GPHN: variants seen among roughly 807,000 people sequenced by gnomAD.
GPHN encodes the protein gephyrin.
In GPHN, 17 loss-of-function variants were observed where a neutral mutation model predicts 95.5. That is an observed-to-expected ratio of 0.18 (90% CI 0.12 to 0.27). The LOEUF (loss-of-function observed/expected upper bound fraction) is 0.27, where lower values mean the gene tolerates loss of function less well. Among genes scored for constraint, GPHN ranks in the 10% least tolerant of loss-of-function variants. The pLI is 1.00. For missense variants in GPHN, 660 were observed against 978.1 expected (o/e 0.67, Z 4.34); for synonymous variants, 320 against 322.5 (o/e 0.99, Z 0.08).
chr14:66,897,790 C>T (rs558836773), intron 5 of GPHN, among the ~76,000 whole-genome samples: 64 of 152,066 alleles, frequency 4.2e-4, no homozygotes, highest in Non-Finnish European at 8.4e-4. Flanking sequence ...TTACACCAAA[C>T]GATGCGGTAT....
At chr14:66,904,638 C>A (rs2065284756) in intron 5 of GPHN, among the ~76,000 whole-genome samples, 1 of 152,130 alleles carries the variant, frequency 6.6e-6, no homozygotes, top group South Asian at 2.1e-4. Context: ...AGACAGGACA[C>A]CCCAACTGCT....
At chr14:67,244,974 T>A in the GPHN span, among the ~76,000 whole-genome samples, 1 of 152,130 alleles carries the variant, frequency 6.6e-6, no homozygotes, top group Non-Finnish European at 1.5e-5. Context: ...GAAAAAAAGA[T>A]GTAACAATTG....
chr14:67,729,254 C>T, the GPHN span: 3 of 1,609,410 alleles, frequency 1.9e-6, no homozygotes, highest in South Asian at 2.2e-5. Context: ...GTCCGGCACT[C>T]CTCCCTGCTC....
intron 1 of GPHN, among the ~76,000 whole-genome samples, chr14:66,529,395 C>G (rs1268652710): frequency 1.3e-5 from 2 of 152,022 alleles, no homozygotes; most frequent in Non-Finnish European, 2.9e-5. Context: ...TAGCTTCTTG[C>G]ATTTGGTTAG....
chr14:67,685,346 G>A, the GPHN span: 1 of 629,266 alleles, frequency 1.6e-6, no homozygotes, highest in Admixed American at 3.0e-5. Flanking sequence ...ACTGCTCACA[G>A]TAATTTATAC....
the GPHN span, chr14:67,222,107 C>T: frequency 2.2e-5 from 7 of 313,352 alleles, no homozygotes; most frequent in South Asian, 1.6e-4. Context: ...GCATAAACCA[C>T]GCCAAGCCTA....
At chr14:67,352,077 G>C in the GPHN span, among the ~76,000 whole-genome samples, 1 of 151,860 alleles carries the variant, frequency 6.6e-6, no homozygotes, top group Admixed American at 6.6e-5. Context: ...TTGAGCCCAG[G>C]TGGTTGAGAC....
chr14:66,880,372 T>C (rs983078896), intron 5 of GPHN, among the ~76,000 whole-genome samples: 4 of 151,882 alleles, frequency 2.6e-5, no homozygotes, highest in African/African-American at 7.2e-5. Context: ...GTTGTTGTTG[T>C]TGTTGTTGCT....
chr14:67,713,053 G>T, the GPHN span, among the ~76,000 whole-genome samples: 1 of 151,984 alleles, frequency 6.6e-6, no homozygotes, highest in Non-Finnish European at 1.5e-5. Flanking sequence ...ACAGGAAAAA[G>T]ACTGAAACAA....
At chr14:67,195,881 A>G in the GPHN span, among the ~76,000 whole-genome samples, 1 of 151,738 alleles carries the variant, frequency 6.6e-6, no homozygotes, top group Non-Finnish European at 1.5e-5. Context: ...GTGGGCCTAT[A>G]TTGAGAGACC....
chr14:66,973,526 A>T (rs112033561), intron 9 of GPHN, among the ~76,000 whole-genome samples: 1 of 152,204 alleles, frequency 6.6e-6, no homozygotes, highest in Non-Finnish European at 1.5e-5. Context: ...TGGAACGCCA[A>T]GGCGGGTGGA....
At chr14:67,137,438 C>T (rs905280662) in intron 17 of GPHN, among the ~76,000 whole-genome samples, 2 of 151,810 alleles carry the variant, frequency 1.3e-5, no homozygotes, top group African/African-American at 4.8e-5. Context: ...AGCCACCACG[C>T]CTGGCTGACT....
intron 2 of GPHN, among the ~76,000 whole-genome samples, chr14:66,690,415 T>C (rs1166183217): frequency 3.3e-5 from 5 of 152,206 alleles, no homozygotes; most frequent in Non-Finnish European, 7.3e-5. Flanking sequence ...TTCAATTCTT[T>C]TAGATTTGTT....
chr14:66,556,542 C>A (rs933413963), intron 1 of GPHN, among the ~76,000 whole-genome samples: 4 of 152,078 alleles, frequency 2.6e-5, no homozygotes, highest in African/African-American at 9.7e-5. Flanking sequence ...TCCAAATAAT[C>A]CTGCTAGATA....
chr14:67,323,261 G>GTATA, the GPHN span, among the ~76,000 whole-genome samples: 62 of 124,190 alleles, frequency 5.0e-4, no homozygotes, highest in African/African-American at 1.6e-3. Flanking sequence ...GTGTGTGTGT[G>GTATA]TATATATATA....
At chr14:67,178,178 A>G (rs961986039) in intron 21 of GPHN, among the ~76,000 whole-genome samples, 5 of 152,108 alleles carry the variant, frequency 3.3e-5, no homozygotes, top group African/African-American at 4.8e-5. Flanking sequence ...ACAATTTGGC[A>G]TATTTTTGCA....
the GPHN span, among the ~76,000 whole-genome samples, chr14:67,506,800 G>A: frequency 1.3e-5 from 2 of 152,096 alleles, no homozygotes; most frequent in South Asian, 2.1e-4. Context: ...CCTGGCCAAC[G>A]TGGTGAAACT....
intron 1 of GPHN, among the ~76,000 whole-genome samples, chr14:66,616,844 A>G (rs147135424): frequency 0.012 from 1,843 of 152,186 alleles, 22 homozygotes; most frequent in Non-Finnish European, 0.018. Context: ...AGTAGCTGGG[A>G]TTACAAGCGT....
chr14:66,587,700 A>C (rs926043517), intron 1 of GPHN, among the ~76,000 whole-genome samples: 2 of 152,218 alleles, frequency 1.3e-5, no homozygotes, highest in African/African-American at 4.8e-5. Flanking sequence ...ATATTAGTCC[A>C]TTCTGACATT....
Sources: gnomAD v4.1 joint callset for allele counts (sites outside exome capture counted in the v4.1 genomes callset) on GRCh38, gnomAD v4.1.1 for gene constraint, MANE v1.5 for transcripts, NCBI Gene and HGNC (gene_info 2026-07-23, HGNC 2026-07-21) for gene names.